Variants in MSL3 observed in about 807,000 individuals in gnomAD.
MSL3 encodes MSL3-like 1.
Under a neutral mutation model 37.2 loss-of-function variants are expected in MSL3, and 5 were observed. The observed-to-expected ratio is 0.13, with a 90% CI of 0.07 to 0.28. MSL3 has a LOEUF of 0.28. Ranked by LOEUF, MSL3 falls within the 10% of genes least tolerant of loss-of-function variation. MSL3 has a pLI of 1.00. For synonymous variants in MSL3, 149 were observed against 147.6 expected (o/e 1.01, Z -0.07); for missense variants, 315 against 408.5 (o/e 0.77, Z 1.97).
At position 11,768,743 on chromosome X, in the gene MSL3, T is replaced by G; in HGVS notation, c.1281+61T>G. ...TTTATTTGTGATTACTTCAATTCTA[T>G]AGGTGGAAGTCAAGGTTCTTAAAGC... On this transcript the variant is annotated intron_variant, in intron 10 of 12. Transcript: ENST00000312196. 4 of 752,648 alleles carry G rather than the reference T, an allele frequency of 5.3e-6. No individual in the cohort carries two copies. In the Admixed American group the frequency reaches 6.9e-5, roughly 13 times the overall value. 62.0% of individuals were successfully genotyped at this position (752,648 alleles called of 1,213,427 possible).
chrX:11,764,441 G>A (rs1249867129), intron 8 of MSL3, among the ~76,000 whole-genome samples: 3 of 111,007 alleles, frequency 2.7e-5, no homozygotes, highest in Non-Finnish European at 3.8e-5. Context: ...CTTGCTCTGC[G>A]ATGTCACCAC....
rs1274280200 is a variant in MSL3 at position 11,766,573 on chromosome X, A to G, written c.1171+844A>G. The G allele has an allele frequency of 1.2e-5, 9 of 753,329 alleles. No individual in the cohort carries two copies. In the Admixed American group the frequency reaches 4.3e-4, roughly 36 times the overall value. The allele number at this position is 753,329 out of a possible 1,213,427, so 62.1% of individuals were successfully genotyped here. ...CACAAATACAGGGTGCTCTGTGCTT[A>G]TATCCTTCCACCCTTGACTGCCAAA... On this transcript the variant is annotated intron_variant, in intron 9 of 12. Transcript: ENST00000312196.
chrX:11,759,669 G>T (rs1245356555), intron 1 of MSL3, 124 bp from the exon 2 acceptor site: 17 of 1,130,980 alleles, frequency 1.5e-5, no homozygotes, highest in Middle Eastern at 5.0e-4. Flanking sequence ...ATTTCAACCC[G>T]GCTGTCGGTC....
In MSL3 at chrX:11,763,643, TC is replaced by T. The variant is rs2053152764; in HGVS notation, c.750-136del. 6.7e-6 allele frequency: 3 copies of T among 450,809 alleles called. No homozygotes were observed. The South Asian group carries it at 1.6e-4, about 24-fold the overall frequency. 37.2% of individuals were successfully genotyped at this position (450,809 alleles called of 1,213,427 possible). On this transcript the variant is annotated intron_variant, in intron 7 of 12. Transcript: ENST00000312196. The stretch of plus-strand genomic sequence containing the variant: ...TCTTGACAGTAGCTACAAATCCATT[TC>T]ATTTTGTGTGTATGTAGGTGTAGTA...
intron 8 of MSL3, 122 bp downstream of exon 8, chrX:11,764,060 A>G (rs1489096121): frequency 1.6e-6 from 1 of 626,770 alleles, no homozygotes; most frequent in Admixed American, 3.5e-5. Context: ...AGGAAATGAA[A>G]AGTGTGTGTC....
At chrX:11,767,273 T>C in intron 9 of MSL3, 1 of 753,411 alleles carries the variant, frequency 1.3e-6, no homozygotes, top group Non-Finnish European at 1.6e-6. Context: ...AATCAAGTGC[T>C]AAAACAAAAT....
In MSL3 at chrX:11,763,938, G is replaced by A. The variant is rs1419569859; in HGVS notation, c.908G>A (p.Arg303Lys). ...AAGGAAAGTGCCACAAGCACTAACA[G>A]GTAAGTTATATAGCCTGCACTTTCA... ...PIKESATSTN[R>K]SQEELSPSPP... The change falls in exon 8 of 13, where the codon AGG (arginine) becomes AAG (lysine). Residue 303 changes from arginine to lysine, a missense_variant and splice_region_variant. Physicochemically the swap from Arg to Lys is conservative, Grantham distance 26. Transcript: ENST00000312196. The A allele has an allele frequency of 8.3e-7, 1 of 1,201,751 alleles. No homozygotes were observed. Among genetic ancestry groups the A allele is most frequent in the African/African-American group, 1.8e-5 (1 of 57,117 alleles).
chrX:11,766,129 T>C (rs766816374), intron 9 of MSL3: 59 of 852,002 alleles, frequency 6.9e-5, no homozygotes, highest in Non-Finnish European at 8.0e-5. Context: ...TAAAGTTTAA[T>C]TTGGAAAGGT....
chrX:11,767,928 A>C (rs1194781116), intron 9 of MSL3: 12 of 753,099 alleles, frequency 1.6e-5, no homozygotes, highest in African/African-American at 2.3e-5. Flanking sequence ...ATTTTTAAAA[A>C]GACTGTTTTT....
At chrX:11,771,701 T>C (rs927146339) in intron 10 of MSL3, among the ~76,000 whole-genome samples, 2 of 111,943 alleles carry the variant, frequency 1.8e-5, no homozygotes, top group Non-Finnish European at 3.8e-5. Flanking sequence ...TGCCTCAGCC[T>C]CCCAAGTAGC....
intron 3 of MSL3, 97 bp downstream of exon 3, chrX:11,760,595 C>A: frequency 1.8e-6 from 1 of 570,464 alleles, no homozygotes. Context: ...TGACAAATAT[C>A]ATTTATTAAA....
rs771084637 is a variant in MSL3, at chrX:11,773,877, A to T, written c.1467-1103A>T. 6.3e-5 allele frequency among the ~76,000 whole-genome samples: 7 copies of T among 111,718 alleles called. No homozygotes were observed. The East Asian group carries it at 1.4e-3, about 22-fold the overall frequency. On this transcript the variant is annotated intron_variant, in intron 12 of 12. Coordinates refer to ENST00000312196, the MANE Select transcript of MSL3 (RefSeq NM_078629.4). ...TAATGATCATAAAAAGAGTACACTC[A>T]TAGAAGAAAAAGAGTTAGCTATCCA... is the stretch of plus-strand genomic sequence containing the variant.
chrX:11,763,801 G>A lies in MSL3; in HGVS notation c.771G>A (p.Met257Ile). The change falls in exon 8 of 13, where the codon ATG becomes ATA. Residue 257 changes from methionine (M) to isoleucine (I), a missense_variant. Met to Ile is a conservative substitution (Grantham distance 10). Transcript: ENST00000312196. ...AEKNVDLCKE[M>I]VDGLRITFDY... ...CCAGTGTTGACCTTTGTAAGGAGAT[G>A]GTGGATGGATTAAGAATAACCTTTG... 1.7e-6 allele frequency: 2 copies of A among 1,206,460 alleles called. No homozygotes were observed. The highest frequency in any genetic ancestry group is 2.2e-6 in the Non-Finnish European group (2 of 892,115).
chrX:11,760,342 A>G lies in MSL3; in HGVS notation c.186-61A>G, dbSNP rs568590961. 3.7e-5 allele frequency: 29 copies of G among 775,343 alleles called. No individual in the cohort carries two copies. In the Admixed American group the frequency reaches 8.0e-4, roughly 21 times the overall value. The allele number at this position is 775,343 out of a possible 1,213,427, so 63.9% of individuals were successfully genotyped here. ...TGGGGCATTTCTATTGCTTTGAGGT[A>G]CTTTTAGTCGTTGTTTCATATCAAA... On this transcript the variant is annotated intron_variant, in intron 2 of 12. Transcript: ENST00000312196.
At position 11,772,602 on chromosome X, in the gene MSL3, G is replaced by A. The variant is rs754100534; in HGVS notation, c.1382-19G>A. 22 of 1,108,359 alleles carry A rather than the reference G, an allele frequency of 2.0e-5. No homozygotes were observed. Among genetic ancestry groups the A allele is most frequent in the Non-Finnish European group, 2.6e-5 (21 of 807,061 alleles). The allele number at this position is 1,108,359 out of a possible 1,213,427, so 91.3% of individuals were successfully genotyped here. ...GATTCTGCTAATTGTAAATGGTTTT[G>A]CCTTTATTTTTAATGCAGTGAAACT... On this transcript the variant is annotated intron_variant, in intron 11 of 12. Coordinates refer to ENST00000312196, the MANE Select transcript of MSL3 (RefSeq NM_078629.4).
chrX:11,765,462 C>T lies in MSL3; in HGVS notation c.909-5C>T, dbSNP rs183387942. 107 of 1,178,724 alleles carry T rather than the reference C, an allele frequency of 9.1e-5. No homozygotes were observed. Among genetic ancestry groups the T allele is most frequent in the East Asian group, 2.4e-4 (8 of 33,402 alleles). ...GCCATGTGTGACATCCTCCATCTTCCCTAGGAGCCAGGAGGAACTCTCTCC... is the reference window on the plus strand; with the variant it reads ...GCCATGTGTGACATCCTCCATCTTCTCTAGGAGCCAGGAGGAACTCTCTCC... On this transcript the variant is annotated splice_region_variant and splice_polypyrimidine_tract_variant and intron_variant, in intron 8 of 12. Coordinates refer to ENST00000312196, the MANE Select transcript of MSL3 (RefSeq NM_078629.4).
intron 2 of MSL3, 124 bp downstream of exon 2, chrX:11,759,999 A>G (rs901662343): frequency 6.5e-5 from 52 of 795,376 alleles, no homozygotes; most frequent in African/African-American, 2.5e-4. Flanking sequence ...ACTTTGTAGC[A>G]TTGCAAACTT....
In MSL3 at chrX:11,760,359, C is replaced by T. The variant is rs1232262423; in HGVS notation, c.186-44C>T. ...TTTGAGGTACTTTTAGTCGTTGTTT[C>T]ATATCAAACTAAAGTACTGAATTTT... On this transcript the variant is annotated intron_variant, in intron 2 of 12. Coordinates refer to ENST00000312196, the MANE Select transcript of MSL3 (RefSeq NM_078629.4). The T allele has an allele frequency of 6.2e-6, 6 of 961,176 alleles. No homozygotes were observed. The South Asian group carries it at 1.5e-4, about 23-fold the overall frequency. 79.2% of individuals were successfully genotyped at this position (961,176 alleles called of 1,213,427 possible).
rs756701117 is a variant in MSL3, at chrX:11,763,735, T to A, written c.750-45T>A. ...AACTTCATTGTGAACATTTGGAAAG[T>A]ACCTCTTACTTGTGTCTCTAATCTC... is the stretch of plus-strand genomic sequence containing the variant. On this transcript the variant is annotated intron_variant, in intron 7 of 12. Coordinates refer to ENST00000312196, the MANE Select transcript of MSL3 (RefSeq NM_078629.4). 86 of 1,113,868 alleles carry A rather than the reference T, an allele frequency of 7.7e-5. 1 individual carries two copies. Among genetic ancestry groups the A allele is most frequent in the Non-Finnish European group, 3.0e-5 (25 of 832,452 alleles). The allele number at this position is 1,113,868 out of a possible 1,213,427, so 91.8% of individuals were successfully genotyped here. A position where few individuals can be genotyped will look rare whatever the true frequency, so the allele number is the denominator to read the frequency against.
Sources: gnomAD v4.1 joint callset for allele counts (sites outside exome capture counted in the v4.1 genomes callset) on GRCh38, gnomAD v4.1.1 for gene constraint, MANE v1.5 for transcripts, NCBI Gene and HGNC (gene_info 2026-07-23, HGNC 2026-07-21) for gene names.